Variants in EYS observed in about 807,000 individuals in gnomAD.
EYS encodes protein eyes shut homolog.
Under a neutral mutation model 282.1 loss-of-function variants are expected in EYS, and 250 were observed. The ratio of observed to expected loss-of-function variants is 0.89; its 90% CI spans 0.80 to 0.98. EYS has a LOEUF of 0.98. Ranked by LOEUF, EYS falls within the 50% of genes least tolerant of loss-of-function variation. The pLI, the probability that EYS is intolerant of heterozygous loss-of-function variation, is 0.00. For synonymous variants in EYS, 1,355 were observed against 1,282.9 expected (o/e 1.06, Z -1.20); for missense variants, 4,016 against 3,709.0 (o/e 1.08, Z -2.15).
chr6:63,789,210 C>T lies in EYS; in HGVS notation c.7426G>A (p.Asp2476Asn), dbSNP rs1306754028. The T allele has an allele frequency of 1.3e-6, 2 of 1,551,694 alleles. No homozygotes were observed. The highest frequency in any genetic ancestry group is 3.9e-5 in the Admixed American group (2 of 50,998). The change falls in exon 38 of 43, where the codon GAC becomes AAC. Residue 2476 changes from aspartate to asparagine, a missense_variant. Coordinates refer to ENST00000503581, the MANE Select transcript of EYS (RefSeq NM_001142800.2). ...GQKGHGLNGD[D>N]FLAVGLLNGS... ...TTGAGCAGGCCCACAGCCAGGAAGT[C>T]ATCGCCATTCAACCCTGGAATGAGA...
intron 35 of EYS, among the ~76,000 whole-genome samples, chr6:63,978,354 G>A (rs1334518784): frequency 6.6e-6 from 1 of 151,864 alleles, no homozygotes; most frequent in Non-Finnish European, 1.5e-5. Flanking sequence ...TTTATATTGA[G>A]AATAATCTAA....
intron 22 of EYS, among the ~76,000 whole-genome samples, chr6:64,813,001 A>G (rs1562205037): frequency 6.6e-6 from 1 of 152,080 alleles, no homozygotes; most frequent in Non-Finnish European, 1.5e-5. Flanking sequence ...TAGGCATAGT[A>G]GTAACAGAAA....
At chr6:64,756,405 C>T (rs1223649723) in intron 22 of EYS, among the ~76,000 whole-genome samples, 1 of 152,040 alleles carries the variant, frequency 6.6e-6, no homozygotes, top group African/African-American at 2.4e-5. Flanking sequence ...ATTAGATGCA[C>T]ATAGAATATG....
chr6:65,384,963 C>G (rs1221041701), intron 7 of EYS, among the ~76,000 whole-genome samples: 1 of 151,726 alleles, frequency 6.6e-6, no homozygotes, highest in Admixed American at 6.6e-5. Flanking sequence ...ACTTATAGGA[C>G]TTCTGTTTGT....
At chr6:64,228,777 C>T (rs1024444494) in intron 31 of EYS, among the ~76,000 whole-genome samples, 2 of 151,990 alleles carry the variant, frequency 1.3e-5, no homozygotes, top group Admixed American at 6.6e-5. Context: ...ATTAAACCTC[C>T]GTGAAACCTT....
Position 64,813,581 on chromosome 6 carries a change from G to A in EYS, c.3244-4C>T. On this transcript the variant is annotated splice_region_variant and splice_polypyrimidine_tract_variant and intron_variant, in intron 21 of 42. Transcript: ENST00000503581. ...TACAAGGGATTGATGTGCAGTCCTA[G>A]ATTAAGAAATAGAGAATCAAATTTG... The A allele has an allele frequency of 6.5e-7, 1 of 1,528,652 alleles. No individual in the cohort carries two copies. The highest frequency in any genetic ancestry group is 8.8e-7 in the Non-Finnish European group (1 of 1,132,558). 94.7% of individuals were successfully genotyped at this position (1,528,652 alleles called of 1,614,324 possible). A position where few individuals can be genotyped will look rare whatever the true frequency, so the allele number is the denominator to read the frequency against.
intron 35 of EYS, among the ~76,000 whole-genome samples, chr6:63,898,013 T>G (rs943379365): frequency 6.6e-6 from 1 of 152,180 alleles, no homozygotes; most frequent in Non-Finnish European, 1.5e-5. Context: ...ACCGTGGCAG[T>G]AGCACCAAGA....
chr6:64,078,243 A>T lies in EYS; in HGVS notation c.6571+3613T>A, dbSNP rs140145322. 2.6e-5 allele frequency among the ~76,000 whole-genome samples: 4 copies of T among 152,260 alleles called. No individual in the cohort carries two copies. In the East Asian group the frequency reaches 7.7e-4, roughly 29 times the overall value. On this transcript the variant is annotated intron_variant, in intron 32 of 42. Transcript: ENST00000503581. ...AACTGAAATATTTAGGAATTAAAAAATGGCAAAATTAAAATCAAAGCAACT... is the reference window on the plus strand; with the variant it reads ...AACTGAAATATTTAGGAATTAAAAATTGGCAAAATTAAAATCAAAGCAACT...
At chr6:64,678,121 C>T (rs1398355829) in intron 22 of EYS, among the ~76,000 whole-genome samples, 1 of 152,162 alleles carries the variant, frequency 6.6e-6, no homozygotes, top group Non-Finnish European at 1.5e-5. Flanking sequence ...TCCATTCAGG[C>T]TGGCTCCTGT....
chr6:64,206,776 A>AT (rs1765621453), intron 31 of EYS, among the ~76,000 whole-genome samples: 1 of 152,118 alleles, frequency 6.6e-6, no homozygotes, highest in Non-Finnish European at 1.5e-5. Context: ...TAGAAGAAAG[A>AT]TTTTTTGATA....
In EYS at chr6:64,639,827, G is replaced by T. The variant is rs1411481917; in HGVS notation, c.3444-13582C>A. On this transcript the variant is annotated intron_variant, in intron 22 of 42. Coordinates refer to ENST00000503581, the MANE Select transcript of EYS (RefSeq NM_001142800.2). ...TCGCAACCTGTTCATCTGACAAAGG[G>T]CTAATATCCAGAATCTACAATGAAC... Among the ~76,000 whole-genome samples the T allele has an allele frequency of 2.2e-5, 2 of 92,804 alleles. 1 individual carries two copies. Among genetic ancestry groups the T allele is most frequent in the Non-Finnish European group, 4.7e-5 (2 of 42,658 alleles). The allele number at this position is 92,804 out of a possible 152,430, so 60.9% of individuals were successfully genotyped here.
intron 19 of EYS, among the ~76,000 whole-genome samples, chr6:64,869,336 T>C (rs551494494): frequency 6.6e-6 from 1 of 151,762 alleles, no homozygotes; most frequent in South Asian, 2.1e-4. Flanking sequence ...AAACATGTTT[T>C]CAGCATCTCT....
intron 12 of EYS, among the ~76,000 whole-genome samples, chr6:65,181,958 A>C (rs574338593): frequency 6.6e-6 from 1 of 152,142 alleles, no homozygotes; most frequent in South Asian, 2.1e-4. Context: ...TATAGCAAGG[A>C]CAAAAAAACA....
chr6:64,600,324 T>C (rs1244175021), intron 24 of EYS, among the ~76,000 whole-genome samples: 1 of 152,110 alleles, frequency 6.6e-6, no homozygotes, highest in Non-Finnish European at 1.5e-5. Flanking sequence ...ACATAGGATA[T>C]TTCTCTATGT....
At chr6:65,162,017 T>C (rs1422353926) in intron 12 of EYS, among the ~76,000 whole-genome samples, 2 of 151,290 alleles carry the variant, frequency 1.3e-5, no homozygotes, top group Admixed American at 1.3e-4. Flanking sequence ...GTCTTACTTA[T>C]GGTTAACTAT....
At chr6:64,459,120 T>C (rs1170511574) in intron 26 of EYS, among the ~76,000 whole-genome samples, 1 of 152,216 alleles carries the variant, frequency 6.6e-6, no homozygotes, top group Non-Finnish European at 1.5e-5. Flanking sequence ...TTTTAAAAAA[T>C]AATTTATAAG....
chr6:64,574,443 A>T (rs1400180388), intron 26 of EYS, among the ~76,000 whole-genome samples: 1 of 152,176 alleles, frequency 6.6e-6, no homozygotes, highest in Non-Finnish European at 1.5e-5. Flanking sequence ...ATTAGTTAAA[A>T]AAATATTTTC....
At chr6:65,262,441 G>A (rs755141301) in intron 12 of EYS, among the ~76,000 whole-genome samples, 4 of 151,970 alleles carry the variant, frequency 2.6e-5, no homozygotes, top group South Asian at 2.1e-4. Flanking sequence ...CCAGAAACAC[G>A]TTAACTCATT....
chr6:64,697,066 C>T lies in EYS; in HGVS notation c.3444-70821G>A, dbSNP rs192453342. 9.5e-4 allele frequency among the ~76,000 whole-genome samples: 144 copies of T among 152,116 alleles called. No homozygotes were observed. In the Middle Eastern group the frequency reaches 0.01, roughly 11 times the overall value. ...CAGGAACAAATCCTGTCAGAACTAA[C>T]CTTGAATATAACTGGATTTAATGCT... On this transcript the variant is annotated intron_variant, in intron 22 of 42. Coordinates refer to ENST00000503581, the MANE Select transcript of EYS (RefSeq NM_001142800.2).
Sources: allele counts gnomAD v4.1 joint callset (sites outside exome capture counted in the v4.1 genomes callset), GRCh38; gene constraint gnomAD v4.1.1; transcripts MANE v1.5; gene names NCBI Gene and HGNC (gene_info 2026-07-23, HGNC 2026-07-21).